Variants in SEMA5A observed in about 807,000 individuals in gnomAD.
SEMA5A encodes the protein semaphorin 5A, also known as semaphorin-5A.
Under a neutral mutation model 135.5 loss-of-function variants are expected in SEMA5A, and 55 were observed. The ratio of observed to expected loss-of-function variants is 0.41; its 90% CI spans 0.33 to 0.51. The LOEUF is 0.51. Ranked by LOEUF, SEMA5A falls within the 20% of genes least tolerant of loss-of-function variation. The pLI, the probability that SEMA5A is intolerant of heterozygous loss-of-function variation, is 0.37. For missense variants in SEMA5A, 1,290 were observed against 1,419.9 expected, an observed-to-expected ratio of 0.91 and a Z score of 1.47; for synonymous variants, 580 against 546.5, an observed-to-expected ratio of 1.06 and a Z score of -0.85.
At chr5:9,334,487 A>C (rs761430244) in intron 4 of SEMA5A, among the ~76,000 whole-genome samples, 2 of 152,248 alleles carry the variant, frequency 1.3e-5, no homozygotes, top group Non-Finnish European at 2.9e-5. Context: ...CACGTATGCG[A>C]AACCCATGAA....
intron 8 of SEMA5A, among the ~76,000 whole-genome samples, chr5:9,208,570 G>A (rs1169028714): frequency 6.6e-6 from 1 of 152,154 alleles, no homozygotes; most frequent in Non-Finnish European, 1.5e-5. Flanking sequence ...GGGCAGAGGT[G>A]AGGCTGAGAA....
chr5:9,100,655 C>T (rs1325292809), intron 16 of SEMA5A, among the ~76,000 whole-genome samples: 1 of 152,148 alleles, frequency 6.6e-6, no homozygotes, highest in African/African-American at 2.4e-5. Flanking sequence ...TGCCCTAAAC[C>T]CCTGTCTTGT....
intron 5 of SEMA5A, chr5:9,265,494 G>A: frequency 6.6e-6 from 3 of 456,304 alleles, no homozygotes; most frequent in South Asian, 3.1e-5. Context: ...TTCTGCCGCG[G>A]GACTCCCATG....
At chr5:9,242,471 T>C (rs1356222067) in intron 5 of SEMA5A, among the ~76,000 whole-genome samples, 1 of 152,210 alleles carries the variant, frequency 6.6e-6, no homozygotes, top group Non-Finnish European at 1.5e-5. Flanking sequence ...TTCATTTCCG[T>C]CCATGTCAAA....
intron 3 of SEMA5A, among the ~76,000 whole-genome samples, chr5:9,375,988 G>T (rs148457550): frequency 6.6e-6 from 1 of 152,054 alleles, no homozygotes; most frequent in Non-Finnish European, 1.5e-5. Flanking sequence ...GGGGATTGCA[G>T]TCAGGGCTTC....
chr5:9,536,705 C>G (rs1478030696), intron 1 of SEMA5A, among the ~76,000 whole-genome samples: 1 of 152,010 alleles, frequency 6.6e-6, no homozygotes, highest in Non-Finnish European at 1.5e-5. Flanking sequence ...GGCAAAGGCT[C>G]AATAATATCT....
chr5:9,193,488 C>T (rs1277005431), intron 10 of SEMA5A, among the ~76,000 whole-genome samples: 1 of 152,084 alleles, frequency 6.6e-6, no homozygotes. Flanking sequence ...ACAACAAATC[C>T]ATTCTTGTTC....
chr5:9,351,365 A>G (rs1472294328), intron 3 of SEMA5A, among the ~76,000 whole-genome samples: 2 of 152,178 alleles, frequency 1.3e-5, no homozygotes, highest in Admixed American at 1.3e-4. Flanking sequence ...CAAGCTTTCT[A>G]TGAGTTGTAA....
chr5:9,406,243 C>T (rs766290930), intron 2 of SEMA5A, among the ~76,000 whole-genome samples: 46 of 152,292 alleles, frequency 3.0e-4, no homozygotes, highest in Non-Finnish European at 6.3e-4. Context: ...CCAGCAGAGG[C>T]AGCGATACTA....
intron 1 of SEMA5A, among the ~76,000 whole-genome samples, chr5:9,538,395 G>A (rs1285838255): frequency 6.6e-6 from 1 of 152,044 alleles, no homozygotes; most frequent in Non-Finnish European, 1.5e-5. Context: ...CAGCTGAAGC[G>A]AAGGCCTTGC....
intron 4 of SEMA5A, among the ~76,000 whole-genome samples, chr5:9,327,866 AT>A (rs1752948140): frequency 6.6e-6 from 1 of 151,930 alleles, no homozygotes; most frequent in African/African-American, 2.4e-5. Flanking sequence ...TGGGTATCTG[AT>A]TTGTTCCTTT....
chr5:9,415,549 C>A (rs1169298564), intron 2 of SEMA5A, among the ~76,000 whole-genome samples: 1 of 152,120 alleles, frequency 6.6e-6, no homozygotes, highest in Non-Finnish European at 1.5e-5. Context: ...ACATCAATTG[C>A]ATCAAAATCA....
intron 1 of SEMA5A, among the ~76,000 whole-genome samples, chr5:9,443,101 G>A (rs546139618): frequency 5.3e-5 from 8 of 152,332 alleles, no homozygotes; most frequent in African/African-American, 1.7e-4. Context: ...TAGCCTGGGT[G>A]TCCAGGCTTC....
intron 9 of SEMA5A, among the ~76,000 whole-genome samples, chr5:9,198,299 A>T (rs983124114): frequency 3.3e-5 from 5 of 152,176 alleles, no homozygotes; most frequent in African/African-American, 1.2e-4. Context: ...ACTAATTCCC[A>T]TTCATTTAAT....
intron 16 of SEMA5A, among the ~76,000 whole-genome samples, chr5:9,098,135 C>T (rs1262545292): frequency 6.6e-6 from 1 of 151,858 alleles, no homozygotes; most frequent in East Asian, 1.9e-4. Context: ...TCCAGTTACT[C>T]GGGAGGCTGA....
chr5:9,250,870 G>C (rs1748735855), intron 5 of SEMA5A, among the ~76,000 whole-genome samples: 1 of 152,064 alleles, frequency 6.6e-6, no homozygotes, highest in African/African-American at 2.4e-5. Flanking sequence ...AAAAACATAA[G>C]AAAAATAGAC....
At chr5:9,223,560 C>T (rs1457558263) in intron 8 of SEMA5A, among the ~76,000 whole-genome samples, 1 of 152,198 alleles carries the variant, frequency 6.6e-6, no homozygotes, top group African/African-American at 2.4e-5. Flanking sequence ...ACCCACCCCC[C>T]AGTCCCACAA....
At chr5:9,294,299 A>G (rs1579295099) in intron 5 of SEMA5A, among the ~76,000 whole-genome samples, 1 of 152,006 alleles carries the variant, frequency 6.6e-6, no homozygotes, top group African/African-American at 2.4e-5. Flanking sequence ...AGCACCCCCA[A>G]CCTGCCTCAC....
intron 13 of SEMA5A, among the ~76,000 whole-genome samples, chr5:9,124,130 C>T (rs1391905889): frequency 6.6e-6 from 1 of 152,008 alleles, no homozygotes; most frequent in East Asian, 1.9e-4. Context: ...GAGGAGGAAC[C>T]CAGGGCAGGG....
Sources: allele counts gnomAD v4.1 joint callset (sites outside exome capture counted in the v4.1 genomes callset), GRCh38; gene constraint gnomAD v4.1.1; transcripts MANE v1.5; gene names NCBI Gene and HGNC (gene_info 2026-07-23, HGNC 2026-07-21).